NTNG1: variants seen among roughly 807,000 people sequenced by gnomAD.
The protein encoded by NTNG1 is netrin G1, also known as netrin-G1.
Under a neutral mutation model 54.0 loss-of-function variants are expected in NTNG1, and 16 were observed. The observed-to-expected ratio is 0.30, with a 90% CI of 0.20 to 0.45. The LOEUF (loss-of-function observed/expected upper bound fraction) is 0.45. NTNG1 is among the 20% of genes least tolerant of loss of function. NTNG1 has a pLI of 1.00. For synonymous variants in NTNG1, 255 were observed against 263.1 expected, an observed-to-expected ratio of 0.97 and a Z score of 0.30; for missense variants, 530 against 678.7, an observed-to-expected ratio of 0.78 and a Z score of 2.43.
chr1:107,417,515 C>T (rs1674297725), intron 5 of NTNG1, among the ~76,000 whole-genome samples: 1 of 152,088 alleles, frequency 6.6e-6, no homozygotes, highest in Admixed American at 6.6e-5. Flanking sequence ...CTTTGCCCTT[C>T]TTCAAAGAGA....
chr1:107,389,134 C>T (rs1005722930), intron 3 of NTNG1, among the ~76,000 whole-genome samples: 1 of 152,210 alleles, frequency 6.6e-6, no homozygotes, highest in Non-Finnish European at 1.5e-5. Context: ...AAGCATATTA[C>T]CATGTGAACA....
At chr1:107,243,036 C>A (rs1661949486) in intron 2 of NTNG1, among the ~76,000 whole-genome samples, 1 of 152,160 alleles carries the variant, frequency 6.6e-6, no homozygotes, top group African/African-American at 2.4e-5. Context: ...ATTTCTAAGG[C>A]TTGATCAGAG....
chr1:107,217,202 T>G (rs1408535094), intron 2 of NTNG1, among the ~76,000 whole-genome samples: 1 of 152,188 alleles, frequency 6.6e-6, no homozygotes, highest in Non-Finnish European at 1.5e-5. Context: ...AATTTATCCA[T>G]CTCCTCTAGG....
intron 2 of NTNG1, among the ~76,000 whole-genome samples, chr1:107,290,603 A>G (rs1343824752): frequency 6.6e-6 from 1 of 152,132 alleles, no homozygotes; most frequent in East Asian, 1.9e-4. Flanking sequence ...TTCAGGCACA[A>G]TCCTTATACA....
At position 107,357,862 on chromosome 1, in the gene NTNG1, A is replaced by G. The variant is rs188700679; in HGVS notation, c.887+32940A>G. Among the ~76,000 whole-genome samples the G allele has an allele frequency of 1.5e-3, 228 of 152,284 alleles. 2 individuals are homozygous for G. The highest frequency in any genetic ancestry group is 3.4e-3 in the Middle Eastern group (1 of 294). The stretch of plus-strand genomic sequence containing the variant: ...AATATTGATTAGAAACATTTGAAAT[A>G]TAGATGAAGTTCTTTAGTTAGAATA... On this transcript the variant is annotated intron_variant, in intron 3 of 7. Coordinates refer to ENST00000370068, the MANE Select transcript of NTNG1 (RefSeq NM_001113226.3).
chr1:107,249,299 A>G (rs1662426583), intron 2 of NTNG1, among the ~76,000 whole-genome samples: 1 of 151,952 alleles, frequency 6.6e-6, no homozygotes, highest in Admixed American at 6.6e-5. Context: ...CAGCCTCAAC[A>G]TGGAGAAACC....
intron 2 of NTNG1, among the ~76,000 whole-genome samples, chr1:107,174,314 C>T (rs999226234): frequency 8.5e-5 from 13 of 152,048 alleles, no homozygotes; most frequent in Non-Finnish European, 4.4e-5. Flanking sequence ...GATGTTTGAG[C>T]TGAATCCCTT....
At chr1:107,354,027 T>A (rs1459704121) in intron 3 of NTNG1, among the ~76,000 whole-genome samples, 3 of 152,036 alleles carry the variant, frequency 2.0e-5, no homozygotes, top group African/African-American at 7.2e-5. Flanking sequence ...AGGCACCACC[T>A]CCAACACTGG....
intron 5 of NTNG1, among the ~76,000 whole-genome samples, chr1:107,411,720 G>A (rs540233316): frequency 1.3e-5 from 2 of 152,186 alleles, no homozygotes; most frequent in East Asian, 3.9e-4. Context: ...TAGGCAAATT[G>A]CATGGTGTGC....
intron 3 of NTNG1, among the ~76,000 whole-genome samples, chr1:107,390,561 T>A (rs570188378): frequency 1.8e-4 from 28 of 152,342 alleles, no homozygotes; most frequent in Middle Eastern, 3.4e-3. Flanking sequence ...GTGTAAGTTA[T>A]GAAAACCAAC....
chr1:107,374,152 ATTC>A (rs1292663388), intron 3 of NTNG1, among the ~76,000 whole-genome samples: 4 of 152,186 alleles, frequency 2.6e-5, no homozygotes, highest in African/African-American at 7.2e-5. Context: ...CATGTCCTTT[ATTC>A]TTCTGTTGCT....
intron 7 of NTNG1, among the ~76,000 whole-genome samples, chr1:107,470,333 A>C (rs892943448): frequency 2.6e-5 from 4 of 152,244 alleles, no homozygotes; most frequent in Admixed American, 1.3e-4. Flanking sequence ...TAACATTTTT[A>C]ATATCACCAA....
chr1:107,426,022 G>T (rs1191994086), intron 5 of NTNG1, among the ~76,000 whole-genome samples: 1 of 151,868 alleles, frequency 6.6e-6, no homozygotes, highest in African/African-American at 2.4e-5. Context: ...TTTTTAATGG[G>T]GTTGTTTGTT....
chr1:107,330,234 A>G (rs956870422), intron 3 of NTNG1, among the ~76,000 whole-genome samples: 1 of 152,136 alleles, frequency 6.6e-6, no homozygotes, highest in African/African-American at 2.4e-5. Context: ...GCTCTGAAGG[A>G]TTCCTACCTC....
In NTNG1 at chr1:107,148,760, A is replaced by C. The variant is rs1654330892; in HGVS notation, c.167A>C (p.Asp56Ala). The change falls in exon 2 of 8, where the codon GAC becomes GCC. Residue 56 changes from aspartate (D) to alanine (A), a missense_variant. By Grantham distance (126) the Asp-to-Ala change is moderately radical (BLOSUM62 -2). Around this residue, in one of 2 missense-constraint regions of NTNG1, gnomAD observed 318 missense variants for 465.1 expected, o/e 0.68. Coordinates refer to ENST00000370068, the MANE Select transcript of NTNG1 (RefSeq NM_001113226.3). ...DYMACQPEST[D>A]MTKYLKVKLD... ...ATGGCCTGCCAGCCGGAATCCACGG[A>C]CATGACAAAATATCTGAAAGTGAAA... The C allele has an allele frequency of 1.2e-6, 2 of 1,613,754 alleles. No individual in the cohort carries two copies. Among genetic ancestry groups the C allele is most frequent in the Non-Finnish European group, 1.7e-6 (2 of 1,179,700 alleles).
intron 4 of NTNG1, among the ~76,000 whole-genome samples, chr1:107,405,158 A>G (rs1673328209): frequency 1.3e-5 from 2 of 152,164 alleles, no homozygotes; most frequent in South Asian, 2.1e-4. Context: ...TCAATTCTTT[A>G]TCTGTGGAGA....
chr1:107,195,866 C>T (rs1658280156), intron 2 of NTNG1, among the ~76,000 whole-genome samples: 1 of 151,916 alleles, frequency 6.6e-6, no homozygotes, highest in African/African-American at 2.4e-5. Flanking sequence ...TCTAAAATGG[C>T]CAGTGACCCT....
At chr1:107,413,552 T>C (rs1418794352) in intron 5 of NTNG1, among the ~76,000 whole-genome samples, 2 of 152,164 alleles carry the variant, frequency 1.3e-5, no homozygotes, top group African/African-American at 4.8e-5. Flanking sequence ...CTCCACCAGA[T>C]AGTTTCCTCA....
At chr1:107,338,170 G>C (rs192355236) in intron 3 of NTNG1, among the ~76,000 whole-genome samples, 10 of 152,098 alleles carry the variant, frequency 6.6e-5, no homozygotes, top group African/African-American at 1.9e-4. Context: ...GTAATTGACT[G>C]TTGAAATAAC....
Sources: allele counts gnomAD v4.1 joint callset (sites outside exome capture counted in the v4.1 genomes callset), GRCh38; gene constraint gnomAD v4.1.1; regional missense constraint gnomAD v4.1.1; transcripts MANE v1.5; gene names NCBI Gene and HGNC (gene_info 2026-07-23, HGNC 2026-07-21).